LIMCH1: variants seen among roughly 807,000 people sequenced by gnomAD.
The protein encoded by LIMCH1 is LIM and calponin homology domains 1, also known as LIM and calponin homology domains-containing protein 1.
A neutral mutation model predicts 176.5 loss-of-function variants in LIMCH1; 113 were observed. The observed-to-expected ratio is 0.64, with a 90% CI of 0.55 to 0.75. The LOEUF (loss-of-function observed/expected upper bound fraction) is 0.75. LIMCH1 is among the 30% of genes least tolerant of loss of function. The pLI is 0.00. For synonymous variants in LIMCH1, 619 were observed against 645.9 expected (o/e 0.96, Z 0.63); for missense variants, 1,674 against 1,814.9 (o/e 0.92, Z 1.41).
chr4:41,675,815 A>G (rs1025751878), intron 22 of LIMCH1, among the ~76,000 whole-genome samples: 1 of 152,280 alleles, frequency 6.6e-6, no homozygotes, highest in Non-Finnish European at 1.5e-5. Context: ...TTTGAGCTTG[A>G]GTGTTTGTGT....
rs369689202 is a variant in LIMCH1 at position 41,697,174 on chromosome 4, A to G, written c.4393A>G (p.Thr1465Ala). ...TTTAATCACAGGTGCCGGGCAGCCT[A>G]CAACATTGTGACACGGCTTTCAAGC... The part of the protein sequence containing the change: ...YMRSRSAGQP[T>A]TL Residue 1465 changes from threonine (T) to alanine (A), a missense_variant, in exon 32 of 32, where the codon ACA (threonine) becomes GCA (alanine). Transcript: ENST00000503057. The G allele has an allele frequency of 1.4e-5, 22 of 1,613,564 alleles. No homozygotes were observed. Among genetic ancestry groups the G allele is most frequent in the Admixed American group, 1.7e-5 (1 of 59,970 alleles).
chr4:41,661,249 A>G (rs2094607226), intron 18 of LIMCH1, among the ~76,000 whole-genome samples, 171 bp from the exon 19 acceptor site: 1 of 152,188 alleles, frequency 6.6e-6, no homozygotes. Flanking sequence ...TCTCCATAGA[A>G]TGTCTCCTTC....
At chr4:41,442,934 G>A (rs549975499) in intron 1 of LIMCH1, among the ~76,000 whole-genome samples, 27 of 152,276 alleles carry the variant, frequency 1.8e-4, no homozygotes, top group African/African-American at 6.0e-4. Context: ...CAAATGTACT[G>A]TGTGATTCTT....
At chr4:41,572,163 C>T (rs1057511616) in intron 1 of LIMCH1, among the ~76,000 whole-genome samples, 5 of 152,144 alleles carry the variant, frequency 3.3e-5, no homozygotes, top group African/African-American at 1.2e-4. Flanking sequence ...TCAAACTTTT[C>T]TAAACACTGC....
rs1410872215 is a variant in LIMCH1, at chr4:41,698,848, T to C, written c.*1663T>C. The C allele has an allele frequency of 6.6e-6, 1 of 152,636 alleles. No homozygotes were observed. The highest frequency in any genetic ancestry group is 1.5e-5 in the Non-Finnish European group (1 of 68,030). 9.5% of individuals were successfully genotyped at this position (152,636 alleles called of 1,614,324 possible). A position where few individuals can be genotyped will look rare whatever the true frequency, so the allele number is the denominator to read the frequency against. On this transcript the variant is annotated 3_prime_UTR_variant, in exon 32 of 32. Coordinates refer to ENST00000503057, the MANE Select transcript of LIMCH1 (RefSeq NM_001330672.2). Reference sequence around the variant, plus strand: ...AATCTACACATCATTTCATTAAAAATTGTGCCTTAGAAAACGCAAAGCTGT... The same window carrying C: ...AATCTACACATCATTTCATTAAAAACTGTGCCTTAGAAAACGCAAAGCTGT...
At chr4:41,361,012 TC>T in intron 1 of LIMCH1, 3 of 1,106,816 alleles carry the variant, frequency 2.7e-6, no homozygotes, top group Non-Finnish European at 2.5e-6. Flanking sequence ...CGACCGCAGG[TC>T]CAGCCTTGCC....
intron 1 of LIMCH1, among the ~76,000 whole-genome samples, chr4:41,476,666 A>C (rs2067794689): frequency 6.6e-6 from 1 of 152,212 alleles, no homozygotes; most frequent in South Asian, 2.1e-4. Context: ...ATTTTGTTCC[A>C]AAAATGCCTG....
rs547309152 is a variant in LIMCH1 at position 41,448,527 on chromosome 4, A to G, written c.97-46009A>G. The stretch of plus-strand genomic sequence containing the variant: ...GTATGTCAGTGCGTAAGGAAGCACA[A>G]TTCATTAATTTTTTTTTTTTAAAGA... On this transcript the variant is annotated intron_variant, in intron 1 of 26. Coordinates refer to the LIMCH1 transcript ENST00000313860. Among the ~76,000 whole-genome samples the G allele has an allele frequency of 3.4e-5, 5 of 147,726 alleles. No individual in the cohort carries two copies. The East Asian group carries it at 9.7e-4, about 29-fold the overall frequency.
At chr4:41,663,365 G>C (rs984142414) in intron 20 of LIMCH1, among the ~76,000 whole-genome samples, 1 of 152,020 alleles carries the variant, frequency 6.6e-6, no homozygotes, top group African/African-American at 2.4e-5. Context: ...TGTTGGCCAG[G>C]CTATTCTTTG....
chr4:41,619,493 G>A (rs774761618), intron 6 of LIMCH1, 53 bp downstream of exon 6: 1 of 1,594,298 alleles, frequency 6.3e-7, no homozygotes, highest in South Asian at 1.1e-5. Context: ...AGTGGTTTGG[G>A]AACTGCAGCT....
At chr4:41,392,057 C>G (rs1489498712) in intron 1 of LIMCH1, among the ~76,000 whole-genome samples, 1 of 152,060 alleles carries the variant, frequency 6.6e-6, no homozygotes, top group Non-Finnish European at 1.5e-5. Flanking sequence ...GAATGAGAAC[C>G]ATGTGATACC....
intron 2 of LIMCH1, among the ~76,000 whole-genome samples, chr4:41,496,469 C>T (rs1454507519): frequency 1.3e-5 from 2 of 152,190 alleles, no homozygotes; most frequent in African/African-American, 2.4e-5. Flanking sequence ...TAGCGTGAAC[C>T]TCTGCTAGGT....
chr4:41,376,358 T>C (rs537921782), intron 1 of LIMCH1, among the ~76,000 whole-genome samples: 3 of 152,344 alleles, frequency 2.0e-5, no homozygotes, highest in Middle Eastern at 3.4e-3. Flanking sequence ...GTCCTTACTA[T>C]TAGAAATTTT....
At position 41,361,062 on chromosome 4, in the gene LIMCH1, C is replaced by A. The variant is rs1429687088; in HGVS notation, c.96+126C>A. 3 of 565,502 alleles carry A rather than the reference C, an allele frequency of 5.3e-6. No homozygotes were observed. The African/African-American group carries it at 6.0e-5, about 11-fold the overall frequency. The allele number at this position is 565,502 out of a possible 1,614,324, so 35.0% of individuals were successfully genotyped here. ...CCCCACTTTCTTTTGCCAGCTGCTC[C>A]AGGTCACCCCCCCGGGCCTCGGCGA... On this transcript the variant is annotated intron_variant, in intron 1 of 26. Coordinates refer to the LIMCH1 transcript ENST00000313860.
chr4:41,509,105 G>T (rs1334404873), intron 2 of LIMCH1, among the ~76,000 whole-genome samples: 1 of 152,104 alleles, frequency 6.6e-6, no homozygotes, highest in Admixed American at 6.5e-5. Context: ...GCGAAAGGGG[G>T]TATTAACCAG....
intron 1 of LIMCH1, among the ~76,000 whole-genome samples, chr4:41,545,785 C>T (rs554547875): frequency 3.3e-5 from 5 of 152,250 alleles, no homozygotes; most frequent in South Asian, 2.1e-4. Flanking sequence ...CAGCACAGAG[C>T]TTATGTATTT....
At chr4:41,655,002 C>G (rs906331591) in intron 18 of LIMCH1, among the ~76,000 whole-genome samples, 1 of 152,048 alleles carries the variant, frequency 6.6e-6, no homozygotes, top group Admixed American at 6.5e-5. Context: ...GAATATAGGA[C>G]TGTAAAAGAA....
At chr4:41,426,242 C>T (rs184487942) in intron 1 of LIMCH1, among the ~76,000 whole-genome samples, 2,658 of 151,774 alleles carry the variant, frequency 0.018, 74 homozygotes, top group African/African-American at 0.059. Flanking sequence ...GGGATGGTCT[C>T]GATCTCCTGA....
chr4:41,576,055 T>G (rs185302351), intron 1 of LIMCH1, among the ~76,000 whole-genome samples: 17 of 152,334 alleles, frequency 1.1e-4, no homozygotes, highest in Admixed American at 1.0e-3. Context: ...AAAAAGGGGA[T>G]GGGATGCTCA....
Sources: gnomAD v4.1 joint callset for allele counts (sites outside exome capture counted in the v4.1 genomes callset) on GRCh38, gnomAD v4.1.1 for gene constraint, MANE v1.5 for transcripts, NCBI Gene and HGNC (gene_info 2026-07-23, HGNC 2026-07-21) for gene names.